Variants in BUB1B observed in about 807,000 individuals in gnomAD.
The protein encoded by BUB1B is mitotic checkpoint serine/threonine-protein kinase BUB1 beta.
Under a neutral mutation model 137.7 loss-of-function variants are expected in BUB1B, and 86 were observed. That is an observed-to-expected ratio of 0.62 (90% CI 0.52 to 0.75). The LOEUF is 0.75. Among genes scored for constraint, BUB1B ranks in the 30% least tolerant of loss-of-function variants. BUB1B has a pLI of 0.00. For missense variants in BUB1B, 1,130 were observed against 1,236.9 expected (o/e 0.91, Z 1.30); for synonymous variants, 420 against 417.9 (o/e 1.00, Z -0.06).
rs747243953 is a variant in BUB1B, at chr15:40,209,788, G to A, written c.2284+13G>A. On this transcript the variant is annotated intron_variant, in intron 17 of 22. Coordinates refer to ENST00000287598, the MANE Select transcript of BUB1B (RefSeq NM_001211.6). ...GAAATTGAATTAGGTAAGTACCATT[G>A]AACTCATGTCCTCTGGTTCATGACA... 30 of 1,613,776 alleles carry A rather than the reference G, an allele frequency of 1.9e-5. No individual in the cohort carries two copies. Among genetic ancestry groups the A allele is most frequent in the Non-Finnish European group, 2.4e-5 (28 of 1,179,900 alleles).
intron 6 of BUB1B, 79 bp from the exon 7 acceptor site, chr15:40,185,086 G>C: frequency 8.2e-7 from 1 of 1,216,122 alleles, no homozygotes; most frequent in South Asian, 1.2e-5. Flanking sequence ...TTGAGTTGAG[G>C]AAGAATAGGT....
intron 4 of BUB1B, among the ~76,000 whole-genome samples, chr15:40,175,472 G>A (rs1213322451): frequency 6.6e-6 from 1 of 152,136 alleles, no homozygotes. Flanking sequence ...CAGTATTATA[G>A]TGGAATAAAA....
In BUB1B at chr15:40,212,594, A is replaced by G. The variant is rs76294284; in HGVS notation, c.2481A>G (p.Gln827=). The change falls in exon 19 of 23, where the codon CAA becomes CAG. Residue 827 remains glutamine, a synonymous_variant. Transcript: ENST00000287598. ...TTGATCATTTTTGCAGCTGTTATCAATATCAAGATGGCTGTATTGTTTGGC... is the reference window on the plus strand; with the variant it reads ...TTGATCATTTTTGCAGCTGTTATCAGTATCAAGATGGCTGTATTGTTTGGC... ...EDFDHFCSCY[Q]YQDGCIVWHQ... 76 of 1,613,850 alleles carry G rather than the reference A, an allele frequency of 4.7e-5. 1 individual carries two copies. The East Asian group carries it at 1.6e-3, about 35-fold the overall frequency.
chr15:40,214,508 T>A (rs984818339), intron 20 of BUB1B, among the ~76,000 whole-genome samples: 3 of 152,202 alleles, frequency 2.0e-5, no homozygotes, highest in Non-Finnish European at 4.4e-5. Context: ...GGGTGAGGTG[T>A]TAACTTTGTT....
chr15:40,175,530 C>T (rs1199334874), intron 4 of BUB1B, among the ~76,000 whole-genome samples: 1 of 152,176 alleles, frequency 6.6e-6, no homozygotes, highest in East Asian at 1.9e-4. Context: ...CATATCCTTT[C>T]ATCCTTAAGG....
chr15:40,209,157 C>T (rs986198364), intron 16 of BUB1B, among the ~76,000 whole-genome samples: 5 of 152,122 alleles, frequency 3.3e-5, no homozygotes, highest in Admixed American at 6.5e-5. Flanking sequence ...CGGTGGCTCA[C>T]GCCTGTAATC....
intron 2 of BUB1B, chr15:40,166,361 A>G (rs1595508669): frequency 2.3e-6 from 1 of 430,706 alleles, no homozygotes; most frequent in Admixed American, 2.6e-5. Flanking sequence ...TCTTTTAGAG[A>G]CGGAGTCTCG....
chr15:40,196,131 G>A (rs755606443), intron 8 of BUB1B, among the ~76,000 whole-genome samples: 3 of 152,168 alleles, frequency 2.0e-5, no homozygotes, highest in Non-Finnish European at 4.4e-5. Context: ...ATTTAATTAA[G>A]TCTTTGATCC....
intron 5 of BUB1B, among the ~76,000 whole-genome samples, chr15:40,176,961 G>T (rs945962661): frequency 2.0e-5 from 3 of 152,074 alleles, no homozygotes; most frequent in East Asian, 3.9e-4. Flanking sequence ...TACCTATGCT[G>T]AACCCAAACC....
chr15:40,200,626 T>A (rs1188154271), intron 11 of BUB1B, among the ~76,000 whole-genome samples: 1 of 152,234 alleles, frequency 6.6e-6, no homozygotes, highest in Non-Finnish European at 1.5e-5. Flanking sequence ...AAGAGATGAT[T>A]ACCATTAACA....
At chr15:40,195,209 C>A (rs1030316395) in intron 8 of BUB1B, among the ~76,000 whole-genome samples, 2 of 151,968 alleles carry the variant, frequency 1.3e-5, no homozygotes, top group African/African-American at 4.8e-5. Context: ...GCTTAGCTCC[C>A]ACTTATAAGT....
chr15:40,165,328 C>T, intron 2 of BUB1B, 132 bp downstream of exon 2: 1 of 1,180,482 alleles, frequency 8.5e-7, no homozygotes, highest in Non-Finnish European at 1.2e-6. Context: ...CTGTTCTCTA[C>T]CTGCTTTCGT....
intron 20 of BUB1B, among the ~76,000 whole-genome samples, chr15:40,215,778 C>G (rs998480312): frequency 6.6e-5 from 10 of 151,800 alleles, no homozygotes; most frequent in Non-Finnish European, 1.3e-4. Flanking sequence ...CAAAACAAAA[C>G]AACAACAAAA....
At chr15:40,171,205 G>A (rs1184716844) in intron 4 of BUB1B, among the ~76,000 whole-genome samples, 1 of 152,162 alleles carries the variant, frequency 6.6e-6, no homozygotes, top group African/African-American at 2.4e-5. Context: ...CCAAAGTGCT[G>A]GGATTATAGG....
intron 22 of BUB1B, 24 bp from the exon 23 acceptor site, chr15:40,220,540 G>A (rs1471706912): frequency 6.2e-7 from 1 of 1,611,380 alleles, no homozygotes; most frequent in East Asian, 2.2e-5. Context: ...TAATCTTGAT[G>A]GAAATGGTTT....
rs1162966862 is a variant in BUB1B, at chr15:40,173,975, A to T, written c.385-2502A>T. 3 of 436,296 alleles carry T rather than the reference A, an allele frequency of 6.9e-6. No individual in the cohort carries two copies. The Admixed American group carries it at 8.0e-5, about 12-fold the overall frequency. 27.0% of individuals were successfully genotyped at this position (436,296 alleles called of 1,614,324 possible). A position where few individuals can be genotyped will look rare whatever the true frequency, so the allele number is the denominator to read the frequency against. ...TGGAAAACTTCTGGTATTTTTATTT[A>T]AAGGTATAAAATTATTTTAGTTTGG... On this transcript the variant is annotated intron_variant, in intron 4 of 22. Coordinates refer to ENST00000287598, the MANE Select transcript of BUB1B (RefSeq NM_001211.6).
intron 8 of BUB1B, among the ~76,000 whole-genome samples, chr15:40,188,582 C>CTT (rs773801578): frequency 5.4e-4 from 66 of 121,730 alleles, no homozygotes; most frequent in African/African-American, 1.3e-3. Context: ...TTTAAGTTTT[C>CTT]TTTTTTTTTT....
Position 40,185,651 on chromosome 15 carries a change from G to A in BUB1B, c.1058+9G>A, listed in dbSNP as rs375125450. ...GCACGACAGCCAGTTATGTGAGTGT[G>A]GTTTTTGGATATTTTGAAGTGGGAA... On this transcript the variant is annotated intron_variant, in intron 8 of 22. Coordinates refer to ENST00000287598, the MANE Select transcript of BUB1B (RefSeq NM_001211.6). 38 of 1,609,528 alleles carry A rather than the reference G, an allele frequency of 2.4e-5. No homozygotes were observed. The highest frequency in any genetic ancestry group is 3.1e-5 in the Non-Finnish European group (36 of 1,175,924).
At chr15:40,194,285 A>G (rs77324988) in intron 8 of BUB1B, among the ~76,000 whole-genome samples, 2,843 of 152,170 alleles carry the variant, frequency 0.019, 34 homozygotes, top group Non-Finnish European at 0.029. Context: ...GCAAAAAGAG[A>G]TAGTTTTGCT....
Sources: allele counts gnomAD v4.1 joint callset (sites outside exome capture counted in the v4.1 genomes callset), GRCh38; gene constraint gnomAD v4.1.1; transcripts MANE v1.5; gene names NCBI Gene and HGNC (gene_info 2026-07-23, HGNC 2026-07-21).